Variants in UTRN observed in about 807,000 individuals in gnomAD.
UTRN encodes the protein dystrophin-related protein 1.
UTRN carries 283 observed loss-of-function variants against 463.9 expected under a neutral mutation model. The observed-to-expected ratio is 0.61, with a 90% confidence interval of 0.55 to 0.67. UTRN has a LOEUF of 0.67. Ranked by LOEUF, UTRN falls within the 30% of genes least tolerant of loss-of-function variation. The pLI, the probability that UTRN is intolerant of heterozygous loss-of-function variation, is 0.00. For synonymous variants in UTRN, 1,442 were observed against 1,431.5 expected (o/e 1.01, Z -0.17); for missense variants, 3,922 against 4,084.3 (o/e 0.96, Z 1.08).
chr6:144,824,052 G>C (rs1019515633), intron 66 of UTRN, among the ~76,000 whole-genome samples: 1 of 152,164 alleles, frequency 6.6e-6, no homozygotes, highest in African/African-American at 2.4e-5. Context: ...GGGAGGTTGA[G>C]AGGGAGAGTT....
Position 144,353,754 on chromosome 6 carries a change from C to T in UTRN, c.80-49369C>T, listed in dbSNP as rs567928054. ...CTCAACTACTTGGGAGGCTGAGGGA[C>T]GAGAATCGCTTGAACCTGGGAGTCG... On this transcript the variant is annotated intron_variant, in intron 2 of 74. Transcript: ENST00000367545. Among the ~76,000 whole-genome samples, 22 of 152,058 alleles carry T rather than the reference C, an allele frequency of 1.4e-4. No individual in the cohort carries two copies. The South Asian group carries it at 4.0e-3, about 27-fold the overall frequency.
At chr6:144,611,635 A>G (rs1017332058) in intron 51 of UTRN, among the ~76,000 whole-genome samples, 16 of 152,200 alleles carry the variant, frequency 1.1e-4, no homozygotes, top group Non-Finnish European at 1.8e-4. Context: ...ATACTTAGGT[A>G]TAAATTTAAA....
At chr6:144,768,517 A>G (rs1252071763) in intron 58 of UTRN, among the ~76,000 whole-genome samples, 1 of 152,180 alleles carries the variant, frequency 6.6e-6, no homozygotes, top group Non-Finnish European at 1.5e-5. Flanking sequence ...AGCATGTTTC[A>G]TTTAACTCAT....
chr6:144,428,915 C>A, intron 8 of UTRN, 22 bp downstream of exon 8: 1 of 1,501,350 alleles, frequency 6.7e-7, no homozygotes, highest in Non-Finnish European at 9.1e-7. Flanking sequence ...TATTTAATTT[C>A]CACCTTGATT....
At chr6:144,771,281 A>G (rs1422427150) in intron 58 of UTRN, among the ~76,000 whole-genome samples, 1 of 152,070 alleles carries the variant, frequency 6.6e-6, no homozygotes, top group Non-Finnish European at 1.5e-5. Flanking sequence ...TTTATTATTA[A>G]AAAATTTTTA....
At chr6:144,361,884 G>A (rs984792470) in intron 2 of UTRN, among the ~76,000 whole-genome samples, 4 of 151,342 alleles carry the variant, frequency 2.6e-5, no homozygotes, top group African/African-American at 9.8e-5. Flanking sequence ...TGAGATTACA[G>A]ATGTGAGACA....
intron 34 of UTRN, among the ~76,000 whole-genome samples, chr6:144,501,849 C>T (rs888175361): frequency 9.9e-5 from 15 of 152,026 alleles, no homozygotes; most frequent in African/African-American, 3.6e-4. Flanking sequence ...GTGCACCTAC[C>T]ACATGCGAAT....
At chr6:144,721,045 C>T (rs191064685) in intron 53 of UTRN, among the ~76,000 whole-genome samples, 1 of 152,076 alleles carries the variant, frequency 6.6e-6, no homozygotes, top group South Asian at 2.1e-4. Context: ...TACTTTAATG[C>T]CACCTAAGGA....
At chr6:144,793,027 G>A (rs1776897514) in intron 62 of UTRN, among the ~76,000 whole-genome samples, 1 of 152,056 alleles carries the variant, frequency 6.6e-6, no homozygotes, top group Non-Finnish European at 1.5e-5. Context: ...TTCATTACAT[G>A]AAGTAAAACA....
At chr6:144,708,098 TCTTCA>T (rs913721574) in intron 53 of UTRN, 25 of 275,056 alleles carry the variant, frequency 9.1e-5, no homozygotes, top group Admixed American at 3.2e-4. Context: ...CATATATGGG[TCTTCA>T]CTTCACTTTT....
chr6:144,331,181 T>G (rs1776306959), intron 2 of UTRN, among the ~76,000 whole-genome samples: 1 of 152,150 alleles, frequency 6.6e-6, no homozygotes, highest in Non-Finnish European at 1.5e-5. Flanking sequence ...TTAAAAGACG[T>G]TTTTTCTAAA....
chr6:144,347,838 T>TATTCTTTG, intron 2 of UTRN, among the ~76,000 whole-genome samples: 1 of 122,090 alleles, frequency 8.2e-6, no homozygotes, highest in African/African-American at 4.7e-5. Flanking sequence ...TTATTCTTTG[T>TATTCTTTG]TTTTTTTTTT....
chr6:144,501,028 G>A (rs187316338), intron 34 of UTRN, among the ~76,000 whole-genome samples: 108 of 152,304 alleles, frequency 7.1e-4, no homozygotes, highest in African/African-American at 2.5e-3. Context: ...GTGCTGAGAG[G>A]TTGTGGGGTG....
At chr6:144,706,192 G>A (rs1785070921) in intron 53 of UTRN, among the ~76,000 whole-genome samples, 1 of 149,594 alleles carries the variant, frequency 6.7e-6, no homozygotes, top group Admixed American at 6.7e-5. Flanking sequence ...TCTCTTATGG[G>A]TGTGTAAGAG....
intron 64 of UTRN, 144 bp downstream of exon 64, chr6:144,798,134 A>C: frequency 1.8e-6 from 2 of 1,091,188 alleles, no homozygotes; most frequent in South Asian, 3.5e-5. Flanking sequence ...TCATCTATCT[A>C]AAAGTAGCAT....
At chr6:144,441,020 C>G (rs1787102504) in intron 13 of UTRN, among the ~76,000 whole-genome samples, 1 of 152,126 alleles carries the variant, frequency 6.6e-6, no homozygotes, top group African/African-American at 2.4e-5. Flanking sequence ...CAATTACCTC[C>G]CACTGGGTTC....
chr6:144,638,663 TAATC>T (rs1777446637), intron 51 of UTRN, among the ~76,000 whole-genome samples: 2 of 152,246 alleles, frequency 1.3e-5, no homozygotes, highest in Non-Finnish European at 2.9e-5. Context: ...GATTTTCAAT[TAATC>T]AAAGTTACTA....
At chr6:144,513,190 GC>G (rs1161863878) in intron 35 of UTRN, among the ~76,000 whole-genome samples, 2 of 152,308 alleles carry the variant, frequency 1.3e-5, no homozygotes, top group East Asian at 3.9e-4. Flanking sequence ...TGTCCTTTGA[GC>G]AGAGCATACA....
intron 51 of UTRN, among the ~76,000 whole-genome samples, chr6:144,611,656 A>G (rs958244378): frequency 2.0e-5 from 3 of 152,226 alleles, no homozygotes; most frequent in African/African-American, 7.2e-5. Flanking sequence ...TAAAGAGGTA[A>G]ATGACTGTGT....
Sources: allele counts gnomAD v4.1 joint callset (sites outside exome capture counted in the v4.1 genomes callset), GRCh38; gene constraint gnomAD v4.1.1; transcripts MANE v1.5; gene names NCBI Gene and HGNC (gene_info 2026-07-23, HGNC 2026-07-21).